The following ADGRG4 variants were observed in gnomAD, a reference collection of about 807,000 sequenced individuals.
ADGRG4 encodes the protein adhesion G protein-coupled receptor G4, also known as G protein-coupled receptor 112.
Under a neutral mutation model 126.2 loss-of-function variants are expected in ADGRG4, and 122 were observed. That is an observed-to-expected ratio of 0.97 (90% CI 0.83 to 1.12). The LOEUF is 1.12. ADGRG4 is among the 50% of genes most tolerant of loss of function. The pLI is 0.00. For synonymous variants in ADGRG4, 943 were observed against 838.7 expected, an observed-to-expected ratio of 1.12 and a Z score of -2.15; for missense variants, 2,481 against 2,251.8, an observed-to-expected ratio of 1.10 and a Z score of -2.06.
intron 24 of ADGRG4, among the ~76,000 whole-genome samples, chrX:136,413,512 C>T (rs186891764): frequency 5.4e-5 from 6 of 110,304 alleles, no homozygotes; most frequent in Admixed American, 9.6e-5. Context: ...AACAAATTTA[C>T]GAGAAAAAAA....
In ADGRG4 at chrX:136,392,332, T is replaced by A; in HGVS notation, c.8012T>A (p.Leu2671Gln). Residue 2671 changes from leucine to glutamine, a missense_variant, in exon 17 of 26, where the codon CTG becomes CAG. Physicochemically the swap from Leu to Gln is moderately radical, Grantham distance 113. Transcript: ENST00000394143. ...QNLADPVVIT[L>Q]QHIGGNQNYG... is the part of the protein sequence containing the mutation. ...TTAGCTGACCCAGTGGTTATCACTC[T>A]GCAGCATATTGGAGGAAACCAGGTA... 8.5e-7 allele frequency: 1 copy of A among 1,173,918 alleles called. No homozygotes were observed.
chrX:136,385,400 C>T (rs770485310), intron 15 of ADGRG4, among the ~76,000 whole-genome samples: 1 of 112,072 alleles, frequency 8.9e-6, no homozygotes, highest in South Asian at 3.7e-4. Context: ...CTTAAATACA[C>T]ACAATAAAAT....
At position 136,412,689 on chromosome X, in the gene ADGRG4, G is replaced by A. The variant is rs147896691; in HGVS notation, c.9037+323G>A. 2.2e-3 allele frequency among the ~76,000 whole-genome samples: 250 copies of A among 112,403 alleles called. 1 individual carries two copies. The highest frequency in any genetic ancestry group is 7.9e-3 in the African/African-American group (245 of 30,978). The stretch of plus-strand genomic sequence containing the variant: ...TGTGTTCCAGGCACTGGGTCTCAGG[G>A]GCTTCTGGCTGGTAGCCAACAGTGG... On this transcript the variant is annotated intron_variant, in intron 24 of 25. Transcript: ENST00000394143.
At position 136,392,294 on chromosome X, in the gene ADGRG4, G is replaced by T. The variant is rs757570324; in HGVS notation, c.7974G>T (p.Met2658Ile). The T allele has an allele frequency of 1.5e-5, 18 of 1,178,802 alleles. No individual in the cohort carries two copies. The South Asian group carries it at 3.1e-4, about 20-fold the overall frequency. ...TGAGTGCCAGCATTTCAGATGATATGTTCATTCAAAACTTAGCTGACCCAG... is the reference window on the plus strand; with the variant it reads ...TGAGTGCCAGCATTTCAGATGATATTTTCATTCAAAACTTAGCTGACCCAG... ...YVVSASISDD[M>I]FIQNLADPVV... Residue 2658 changes from methionine to isoleucine, a missense_variant, in exon 17 of 26, where the codon ATG becomes ATT. Coordinates refer to ENST00000394143, the MANE Select transcript of ADGRG4 (RefSeq NM_153834.4).
At position 136,344,826 on chromosome X, in the gene ADGRG4, C is replaced by G; in HGVS notation, c.1120C>G (p.Leu374Val). 8.3e-7 allele frequency: 1 copy of G among 1,206,440 alleles called. No individual in the cohort carries two copies. The highest frequency in any genetic ancestry group is 2.3e-4 in the Middle Eastern group (1 of 4,340). Residue 374 changes from leucine to valine, a missense_variant, in exon 6 of 26, where the codon CTA becomes GTA. Coordinates refer to ENST00000394143, the MANE Select transcript of ADGRG4 (RefSeq NM_153834.4). ...TCAACCACCTACACCTTCTAATTTCCTATCCACATCCAGATTTACCAAGAA... is the reference window on the plus strand; with the variant it reads ...TCAACCACCTACACCTTCTAATTTCGTATCCACATCCAGATTTACCAAGAA... ...IFQPPTPSNFLSTSRFTKNSV... is the reference protein window; with the variant it reads ...IFQPPTPSNFVSTSRFTKNSV...
intron 23 of ADGRG4, among the ~76,000 whole-genome samples, chrX:136,406,870 CG>C (rs1260781611): frequency 9.3e-6 from 1 of 107,174 alleles, no homozygotes; most frequent in Non-Finnish European, 1.9e-5. Context: ...GAGCTATGAT[CG>C]TGCCACTGCA....
At chrX:136,374,976 C>T (rs146936859) in intron 15 of ADGRG4, among the ~76,000 whole-genome samples, 1,797 of 110,414 alleles carry the variant, frequency 0.016, 33 homozygotes, top group African/African-American at 0.056. Flanking sequence ...TTAGTGTACT[C>T]GTCACCTGAG....
At chrX:136,393,473 T>C in intron 17 of ADGRG4, 62 bp from the exon 18 acceptor site, 1 of 937,441 alleles carries the variant, frequency 1.1e-6, no homozygotes, top group Non-Finnish European at 1.5e-6. Context: ...CTTATGTGTA[T>C]ATGTTACTAT....
chrX:136,339,711 C>T (rs1434046907), intron 5 of ADGRG4, among the ~76,000 whole-genome samples: 1 of 112,353 alleles, frequency 8.9e-6, no homozygotes, highest in Non-Finnish European at 1.9e-5. Flanking sequence ...ATTCTTAGCA[C>T]CTTTCATAGT....
chrX:136,366,736 G>A (rs967305339), intron 13 of ADGRG4, among the ~76,000 whole-genome samples: 1 of 112,358 alleles, frequency 8.9e-6, no homozygotes, highest in East Asian at 2.8e-4. Context: ...TCTAATAGGT[G>A]TGTAGTGGTA....
At chrX:136,385,950 T>C (rs1202228246) in intron 15 of ADGRG4, among the ~76,000 whole-genome samples, 1 of 111,607 alleles carries the variant, frequency 9.0e-6, no homozygotes, top group African/African-American at 3.3e-5. Context: ...ACAACCCCCA[T>C]CACCTCCCAG....
At chrX:136,371,914 G>A (rs1275294497) in intron 14 of ADGRG4, among the ~76,000 whole-genome samples, 4 of 111,487 alleles carry the variant, frequency 3.6e-5, no homozygotes, top group South Asian at 3.7e-4. Context: ...TCAAGGATAC[G>A]AACGGACGAC....
rs1569333113 is a variant in ADGRG4, at chrX:136,380,690, TCTTCTTCTCCTTCTC to T, written c.7777-7041_7777-7027del. 3.4e-5 allele frequency among the ~76,000 whole-genome samples: 3 copies of T among 88,096 alleles called. No homozygotes were observed. The Admixed American group carries it at 3.8e-4, about 11-fold the overall frequency. The allele number at this position is 88,096 out of a possible 115,157, so 76.5% of individuals were successfully genotyped here. On this transcript the variant is annotated intron_variant, in intron 15 of 25. Coordinates refer to ENST00000394143, the MANE Select transcript of ADGRG4 (RefSeq NM_153834.4). ...TCCTCTTCCTCCTCCTCCTCCTCCT[TCTTCTTCTCCTTCTC>T]CTTCTTCTTCTTTTTCTTCTTCTTT...
intron 4 of ADGRG4, among the ~76,000 whole-genome samples, chrX:136,321,015 A>G (rs900213316): frequency 2.7e-5 from 3 of 111,723 alleles, no homozygotes; most frequent in African/African-American, 9.8e-5. Context: ...TTAAGGTGCA[A>G]CTAGGCCCTG....
chrX:136,359,823 A>G (rs1458672346), intron 11 of ADGRG4, among the ~76,000 whole-genome samples: 1 of 111,838 alleles, frequency 8.9e-6, no homozygotes, highest in Non-Finnish European at 1.9e-5. Flanking sequence ...TGATTCAGCC[A>G]TCTTATTCAT....
At chrX:136,303,248 A>G (rs1460021557) in intron 1 of ADGRG4, among the ~76,000 whole-genome samples, 3 of 110,733 alleles carry the variant, frequency 2.7e-5, no homozygotes, top group African/African-American at 9.9e-5. Flanking sequence ...TGAGGCAGGA[A>G]TTTGAGACCA....
chrX:136,399,069 A>T (rs754312508), intron 20 of ADGRG4, among the ~76,000 whole-genome samples: 4 of 112,326 alleles, frequency 3.6e-5, no homozygotes, highest in Non-Finnish European at 5.6e-5. Flanking sequence ...AAAAAGTTCC[A>T]AACACAGGTG....
At chrX:136,341,157 G>T (rs1426289998) in intron 5 of ADGRG4, among the ~76,000 whole-genome samples, 1 of 111,543 alleles carries the variant, frequency 9.0e-6, no homozygotes, top group Non-Finnish European at 1.9e-5. Context: ...TACATCTATG[G>T]CTCAGCCCTC....
chrX:136,403,730 T>C (rs982549222), intron 22 of ADGRG4, among the ~76,000 whole-genome samples: 12 of 112,282 alleles, frequency 1.1e-4, no homozygotes, highest in Non-Finnish European at 2.3e-4. Flanking sequence ...CTGAGATGAT[T>C]TGGAAAACAT....
Sources: gnomAD v4.1 joint callset for allele counts (sites outside exome capture counted in the v4.1 genomes callset) on GRCh38, gnomAD v4.1.1 for gene constraint, MANE v1.5 for transcripts, NCBI Gene and HGNC (gene_info 2026-07-23, HGNC 2026-07-21) for gene names.